KCNT2: variants seen among roughly 807,000 people sequenced by gnomAD.
KCNT2 encodes the protein potassium channel subfamily T member 2.
KCNT2 carries 67 observed loss-of-function variants against 153.8 expected under a neutral mutation model. The ratio of observed to expected loss-of-function variants is 0.44; its 90% CI spans 0.36 to 0.53. KCNT2 has a LOEUF of 0.53. Ranked by LOEUF, KCNT2 falls within the 20% of genes least tolerant of loss-of-function variation. The pLI, the probability that KCNT2 is intolerant of heterozygous loss-of-function variation, is 0.00. For missense variants in KCNT2, 975 were observed against 1,354.8 expected (o/e 0.72, Z 4.40); for synonymous variants, 500 against 458.8 (o/e 1.09, Z -1.15).
At chr1:196,602,321 G>T (rs1013006152) in intron 1 of KCNT2, among the ~76,000 whole-genome samples, 3 of 152,096 alleles carry the variant, frequency 2.0e-5, no homozygotes, top group Non-Finnish European at 4.4e-5. Flanking sequence ...GACAAGCATG[G>T]TGCATAATAA....
At chr1:196,323,524 A>G (rs909030089) in intron 19 of KCNT2, among the ~76,000 whole-genome samples, 2 of 151,930 alleles carry the variant, frequency 1.3e-5, no homozygotes, top group South Asian at 4.1e-4. Flanking sequence ...CTAATGAACC[A>G]GTACCAACTG....
intron 8 of KCNT2, among the ~76,000 whole-genome samples, chr1:196,432,914 C>T (rs1317223965): frequency 6.6e-6 from 1 of 152,040 alleles, no homozygotes; most frequent in Non-Finnish European, 1.5e-5. Context: ...GAGCAGAAGG[C>T]TATGGTGTGA....
intron 21 of KCNT2, among the ~76,000 whole-genome samples, chr1:196,312,526 G>A (rs755098273): frequency 3.6e-4 from 55 of 151,764 alleles, no homozygotes; most frequent in South Asian, 1.2e-3. Context: ...TTTACTTTTC[G>A]AAACACTTCA....
chr1:196,321,824 A>C (rs192392221), intron 19 of KCNT2, among the ~76,000 whole-genome samples: 23 of 152,148 alleles, frequency 1.5e-4, no homozygotes, highest in Non-Finnish European at 2.5e-4. Context: ...CATAAAGAAT[A>C]AATAAATTGT....
intron 25 of KCNT2, among the ~76,000 whole-genome samples, chr1:196,275,010 AT>A (rs1658420879): frequency 6.6e-6 from 1 of 151,912 alleles, no homozygotes; most frequent in Non-Finnish European, 1.5e-5. Context: ...ATTTTCAAAA[AT>A]TAATATTTCT....
At chr1:196,473,938 T>C (rs970597726) in intron 5 of KCNT2, among the ~76,000 whole-genome samples, 2 of 152,084 alleles carry the variant, frequency 1.3e-5, no homozygotes, top group Non-Finnish European at 2.9e-5. Context: ...TAATCTTATT[T>C]TCATGAAGGA....
At chr1:196,234,348 T>A (rs569224249) in intron 27 of KCNT2, among the ~76,000 whole-genome samples, 4 of 151,424 alleles carry the variant, frequency 2.6e-5, no homozygotes, top group African/African-American at 9.6e-5. Flanking sequence ...AACAACATTT[T>A]TTTTTTATTT....
chr1:196,354,460 C>T (rs539660448), intron 14 of KCNT2, among the ~76,000 whole-genome samples: 1 of 151,758 alleles, frequency 6.6e-6, no homozygotes, highest in South Asian at 2.1e-4. Context: ...GAATAAAGAG[C>T]ACCTTGTCAC....
chr1:196,517,317 A>C (rs1652721062), intron 1 of KCNT2, among the ~76,000 whole-genome samples: 1 of 152,208 alleles, frequency 6.6e-6, no homozygotes, highest in South Asian at 2.1e-4. Flanking sequence ...ACACACAGAG[A>C]TGAGAAAGAA....
intron 21 of KCNT2, among the ~76,000 whole-genome samples, chr1:196,311,613 A>G (rs903797878): frequency 6.6e-6 from 1 of 151,800 alleles, no homozygotes; most frequent in Non-Finnish European, 1.5e-5. Flanking sequence ...TTACCATACA[A>G]ATTCTGTACC....
At chr1:196,381,461 G>GTT (rs1202119324) in intron 13 of KCNT2, among the ~76,000 whole-genome samples, 1 of 150,940 alleles carries the variant, frequency 6.6e-6, no homozygotes, top group Non-Finnish European at 1.5e-5. Flanking sequence ...TTCATGCTAA[G>GTT]TTATATATAT....
chr1:196,587,047 A>G (rs1662774494), intron 1 of KCNT2, among the ~76,000 whole-genome samples: 1 of 152,146 alleles, frequency 6.6e-6, no homozygotes, highest in Non-Finnish European at 1.5e-5. Flanking sequence ...CCTCAAAGCA[A>G]CTTACTGAAA....
intron 1 of KCNT2, among the ~76,000 whole-genome samples, chr1:196,523,954 T>C (rs930451254): frequency 6.6e-6 from 1 of 152,208 alleles, no homozygotes; most frequent in Non-Finnish European, 1.5e-5. Context: ...CATTATAGGT[T>C]AACTTCCTCC....
In KCNT2 at chr1:196,226,932, C is replaced by T. The variant is rs544272050; in HGVS notation, c.*1292G>A. ...GAACATTTTAACACACTTCTACTAC[C>T]TGGTAAACTATGTACGCATACTCTT... is the stretch of plus-strand genomic sequence containing the variant. On this transcript the variant is annotated 3_prime_UTR_variant, in exon 28 of 28. Transcript: ENST00000294725. 1 of 151,946 alleles carries T rather than the reference C, an allele frequency of 6.6e-6. No individual in the cohort carries two copies. The highest frequency in any genetic ancestry group is 1.9e-4 in the East Asian group (1 of 5,182). The allele number at this position is 151,946 out of a possible 1,614,324, so 9.4% of individuals were successfully genotyped here. A position where few individuals can be genotyped will look rare whatever the true frequency, so the allele number is the denominator to read the frequency against.
intron 13 of KCNT2, among the ~76,000 whole-genome samples, chr1:196,390,436 C>T (rs1355425950): frequency 6.6e-6 from 1 of 151,442 alleles, no homozygotes; most frequent in East Asian, 1.9e-4. Context: ...CCCTTGGTTG[C>T]TGCAGTCAGC....
chr1:196,514,060 A>C (rs1308519513), intron 1 of KCNT2, among the ~76,000 whole-genome samples: 1 of 152,154 alleles, frequency 6.6e-6, no homozygotes, highest in Non-Finnish European at 1.5e-5. Context: ...AGTTGATTTG[A>C]GGGCATGTTT....
chr1:196,416,203 T>C (rs1672741311), intron 12 of KCNT2, among the ~76,000 whole-genome samples: 1 of 151,998 alleles, frequency 6.6e-6, no homozygotes, highest in Admixed American at 6.6e-5. Context: ...TGTGTTCAAG[T>C]GGCCCTTATT....
At chr1:196,603,833 G>C (rs752519088) in intron 1 of KCNT2, among the ~76,000 whole-genome samples, 2 of 152,216 alleles carry the variant, frequency 1.3e-5, no homozygotes, top group African/African-American at 2.4e-5. Context: ...TTCACATTAA[G>C]TGTGTTGTGT....
intron 9 of KCNT2, 112 bp from the exon 10 acceptor site, chr1:196,428,381 G>C: frequency 1.4e-6 from 1 of 721,086 alleles, no homozygotes. Flanking sequence ...GGAACTCATT[G>C]AGATTCTAAT....
Sources: gnomAD v4.1 joint callset for allele counts (sites outside exome capture counted in the v4.1 genomes callset) on GRCh38, gnomAD v4.1.1 for gene constraint, MANE v1.5 for transcripts, NCBI Gene and HGNC (gene_info 2026-07-23, HGNC 2026-07-21) for gene names.